The following CHODL variants were observed in gnomAD, a reference collection of about 807,000 sequenced individuals.
CHODL encodes transmembrane protein MT75.
A neutral mutation model predicts 34.5 loss-of-function variants in CHODL; 29 were observed. The observed-to-expected ratio is 0.84, with a 90% CI of 0.63 to 1.15. The LOEUF (loss-of-function observed/expected upper bound fraction) is 1.15. Among genes scored for constraint, CHODL ranks in the 50% most tolerant of loss-of-function variants. The probability of loss-of-function intolerance (pLI) is 0.00; values close to 1 mark genes in which losing one functional copy is unlikely to be tolerated. For missense variants in CHODL, 332 were observed against 332.5 expected (o/e 1.00, Z 0.01); for synonymous variants, 125 against 116.1 (o/e 1.08, Z -0.49).
chr21:18,196,204 A>G (rs1246220693), intron 2 of CHODL, among the ~76,000 whole-genome samples: 1 of 152,236 alleles, frequency 6.6e-6, no homozygotes, highest in East Asian at 1.9e-4. Flanking sequence ...CATGCATATC[A>G]ACACAGAGAT....
intron 1 of CHODL, among the ~76,000 whole-genome samples, chr21:17,980,809 C>T (rs1311362259): frequency 6.6e-6 from 1 of 152,208 alleles, no homozygotes; most frequent in Non-Finnish European, 1.5e-5. Flanking sequence ...CATGTGTGCA[C>T]ATGCCTGTGT....
At chr21:17,964,666 T>C (rs1446216348) in intron 1 of CHODL, among the ~76,000 whole-genome samples, 2 of 152,246 alleles carry the variant, frequency 1.3e-5, no homozygotes, top group Non-Finnish European at 2.9e-5. Context: ...CCTGGTTTAA[T>C]GATTCCTGGT....
At chr21:18,089,346 T>A (rs2065044639) in intron 2 of CHODL, among the ~76,000 whole-genome samples, 1 of 152,162 alleles carries the variant, frequency 6.6e-6, no homozygotes, top group East Asian at 1.9e-4. Context: ...TTTCTTCAGC[T>A]TCATAACATT....
intron 2 of CHODL, among the ~76,000 whole-genome samples, chr21:18,178,018 A>T (rs1166680474): frequency 6.6e-6 from 1 of 152,138 alleles, no homozygotes; most frequent in Non-Finnish European, 1.5e-5. Flanking sequence ...TCCACAGTAG[A>T]TCTAACCTTG....
At chr21:18,029,315 C>A (rs1289297730) in intron 2 of CHODL, among the ~76,000 whole-genome samples, 1 of 152,116 alleles carries the variant, frequency 6.6e-6, no homozygotes, top group Non-Finnish European at 1.5e-5. Flanking sequence ...ATTAGAATCA[C>A]ACCTTGCTTG....
At chr21:18,236,312 C>T (rs575531643) in intron 2 of CHODL, among the ~76,000 whole-genome samples, 5 of 152,212 alleles carry the variant, frequency 3.3e-5, no homozygotes, top group South Asian at 4.1e-4. Context: ...GATTCAATTA[C>T]GTCCTATAGG....
chr21:18,151,988 CTGTGTGTGTG>C (rs71941239), intron 2 of CHODL, among the ~76,000 whole-genome samples: 1,899 of 146,576 alleles, frequency 0.013, 18 homozygotes, highest in Middle Eastern at 0.028. Context: ...GTATATAACT[CTGTGTGTGTG>C]TGTGTGTGTG....
intron 1 of CHODL, among the ~76,000 whole-genome samples, chr21:18,002,964 A>G (rs1180947452): frequency 1.3e-5 from 2 of 152,126 alleles, no homozygotes; most frequent in Non-Finnish European, 2.9e-5. Context: ...TCTACTAAAA[A>G]TACAAAAAAT....
At chr21:18,103,577 T>G (rs1245610328) in intron 2 of CHODL, among the ~76,000 whole-genome samples, 2 of 152,170 alleles carry the variant, frequency 1.3e-5, no homozygotes, top group African/African-American at 4.8e-5. Context: ...TGGCATTGCC[T>G]GTCTCTCAGT....
At chr21:18,163,286 A>G (rs1159720352) in intron 2 of CHODL, among the ~76,000 whole-genome samples, 1 of 152,250 alleles carries the variant, frequency 6.6e-6, no homozygotes, top group Admixed American at 6.5e-5. Flanking sequence ...GTGTTTCTCT[A>G]AACTTGCTTC....
intron 2 of CHODL, among the ~76,000 whole-genome samples, chr21:18,106,971 G>A (rs1037045276): frequency 1.3e-5 from 2 of 152,134 alleles, no homozygotes; most frequent in African/African-American, 4.8e-5. Context: ...AAAACTGACA[G>A]AATCTGTCCT....
intron 2 of CHODL, among the ~76,000 whole-genome samples, chr21:18,063,187 C>T (rs1427026503): frequency 6.6e-6 from 1 of 152,140 alleles, no homozygotes; most frequent in Non-Finnish European, 1.5e-5. Context: ...CTGTGTTTAT[C>T]ATTCATGAAT....
chr21:18,216,554 TTGTTTCATTCACATAA>T (rs2073830320), intron 2 of CHODL, among the ~76,000 whole-genome samples: 1 of 152,216 alleles, frequency 6.6e-6, no homozygotes, highest in South Asian at 2.1e-4. Context: ...TGTGCCTGGC[TTGTTTCATTCACATAA>T]TGTCCTCCAA....
At chr21:18,061,377 A>C (rs1053509396) in intron 2 of CHODL, among the ~76,000 whole-genome samples, 3 of 152,212 alleles carry the variant, frequency 2.0e-5, no homozygotes, top group Admixed American at 6.5e-5. Context: ...AGGGAAAAAA[A>C]CTAAATATTA....
chr21:18,089,983 G>C (rs749192677), intron 2 of CHODL, among the ~76,000 whole-genome samples: 7 of 152,154 alleles, frequency 4.6e-5, no homozygotes, highest in Admixed American at 1.3e-4. Context: ...GGCATTAATT[G>C]GTGGTTTTCT....
intron 3 of CHODL, among the ~76,000 whole-genome samples, chr21:18,258,215 T>C (rs904394845): frequency 1.3e-5 from 2 of 152,126 alleles, no homozygotes; most frequent in African/African-American, 4.8e-5. Flanking sequence ...AGTTTATTCT[T>C]TAACCATCTT....
intron 2 of CHODL, among the ~76,000 whole-genome samples, chr21:18,185,190 A>C (rs995395195): frequency 6.6e-6 from 1 of 152,046 alleles, no homozygotes; most frequent in African/African-American, 2.4e-5. Flanking sequence ...TACCCCTGGC[A>C]GGCACTAGTG....
intron 2 of CHODL, among the ~76,000 whole-genome samples, chr21:18,079,132 A>G (rs958361041): frequency 6.6e-6 from 1 of 151,942 alleles, no homozygotes; most frequent in African/African-American, 2.4e-5. Context: ...TTTCCCTCCA[A>G]ACCTTTTGTG....
rs549873839 is a variant in CHODL, at chr21:18,152,906, C to T, written c.-44-103603C>T. ...CAGAAGTTAAGAGAAGGAATAGCCA[C>T]CATCATCAGCAAAGATGTAAAGCCT... On this transcript the variant is annotated intron_variant, in intron 2 of 6. Coordinates refer to the CHODL transcript ENST00000400127. Among the ~76,000 whole-genome samples the T allele has an allele frequency of 4.6e-5, 7 of 152,274 alleles. No individual in the cohort carries two copies. The East Asian group carries it at 1.4e-3, about 29-fold the overall frequency.
Sources: allele counts gnomAD v4.1 joint callset (sites outside exome capture counted in the v4.1 genomes callset), GRCh38; gene constraint gnomAD v4.1.1; transcripts MANE v1.5; gene names NCBI Gene and HGNC (gene_info 2026-07-23, HGNC 2026-07-21).